The following INPP4A variants were observed in gnomAD, a reference collection of about 807,000 sequenced individuals.
INPP4A encodes the protein inositol polyphosphate-4-phosphatase, type I, 107kD.
In INPP4A, 33 loss-of-function variants were observed where a neutral mutation model predicts 119.8. The ratio of observed to expected loss-of-function variants is 0.28; its 90% CI spans 0.21 to 0.37. The LOEUF (loss-of-function observed/expected upper bound fraction) is 0.37, where lower values mean the gene tolerates loss of function less well. Ranked by LOEUF, INPP4A falls within the 10% of genes least tolerant of loss-of-function variation. The pLI is 1.00. For missense variants in INPP4A, 956 were observed against 1,289.9 expected (o/e 0.74, Z 3.97); for synonymous variants, 496 against 500.7 (o/e 0.99, Z 0.12).
intron 17 of INPP4A, among the ~76,000 whole-genome samples, chr2:98,561,892 C>T (rs764524224): frequency 6.6e-6 from 1 of 152,208 alleles, no homozygotes; most frequent in Non-Finnish European, 1.5e-5. Flanking sequence ...TTAATAGGCA[C>T]TTCATATAAT....
intron 1 of INPP4A, among the ~76,000 whole-genome samples, chr2:98,510,514 G>C (rs1444711022): frequency 6.6e-6 from 1 of 152,212 alleles, no homozygotes; most frequent in African/African-American, 2.4e-5. Flanking sequence ...ATGTTGGGAA[G>C]GCGCTGGCAT....
At chr2:98,539,039 G>GC (rs1237849025) in intron 9 of INPP4A, 58 bp downstream of exon 9, 1 of 998,402 alleles carries the variant, frequency 1.0e-6, no homozygotes, top group Non-Finnish European at 1.5e-6. Context: ...ACTTGGGCCC[G>GC]CAGTCCCCTT....
chr2:98,461,752 C>G (rs1476107255), intron 1 of INPP4A, among the ~76,000 whole-genome samples: 1 of 152,200 alleles, frequency 6.6e-6, no homozygotes, highest in African/African-American at 2.4e-5. Context: ...TTTCCACATC[C>G]CTGGTGCCAT....
At chr2:98,457,576 C>T (rs1422453012) in intron 1 of INPP4A, among the ~76,000 whole-genome samples, 1 of 152,176 alleles carries the variant, frequency 6.6e-6, no homozygotes, top group South Asian at 2.1e-4. Flanking sequence ...CAGCCTGTGA[C>T]GTAGACTGTG....
At chr2:98,469,230 G>A (rs538167671) in intron 1 of INPP4A, among the ~76,000 whole-genome samples, 26 of 152,298 alleles carry the variant, frequency 1.7e-4, no homozygotes, top group African/African-American at 5.5e-4. Flanking sequence ...TGGGCACGGT[G>A]GCTCACGCCT....
intron 4 of INPP4A, among the ~76,000 whole-genome samples, chr2:98,530,753 T>A (rs79613500): frequency 8.7e-4 from 132 of 152,160 alleles, no homozygotes; most frequent in Non-Finnish European, 1.3e-3. Context: ...ACAATAAACA[T>A]AGAAATAGAT....
chr2:98,564,435 G>A (rs1469241343), intron 18 of INPP4A, among the ~76,000 whole-genome samples: 3 of 152,174 alleles, frequency 2.0e-5, no homozygotes, highest in Non-Finnish European at 1.5e-5. Flanking sequence ...CTTGGTGAGC[G>A]ACAGGAATAG....
intron 7 of INPP4A, among the ~76,000 whole-genome samples, chr2:98,536,832 CA>C (rs1690379089): frequency 6.6e-6 from 1 of 152,308 alleles, no homozygotes; most frequent in South Asian, 2.1e-4. Context: ...AGTATTGAGA[CA>C]TTCTGAAGCT....
chr2:98,460,906 A>G (rs1354616382), intron 1 of INPP4A, among the ~76,000 whole-genome samples: 1 of 152,346 alleles, frequency 6.6e-6, no homozygotes, highest in East Asian at 1.9e-4. Context: ...CTGAAACACC[A>G]TGAGGAAGAG....
At chr2:98,492,828 C>T (rs890444720) in intron 1 of INPP4A, among the ~76,000 whole-genome samples, 2 of 152,178 alleles carry the variant, frequency 1.3e-5, no homozygotes, top group Admixed American at 6.5e-5. Context: ...TATGGTTTGC[C>T]AAGTACTGAC....
chr2:98,507,585 G>C (rs567114779), intron 1 of INPP4A, among the ~76,000 whole-genome samples: 7 of 152,244 alleles, frequency 4.6e-5, no homozygotes, highest in Non-Finnish European at 8.8e-5. Context: ...CCCACCCCCA[G>C]CCTGGGGGGC....
intron 1 of INPP4A, among the ~76,000 whole-genome samples, chr2:98,505,024 C>G (rs959700453): frequency 6.6e-6 from 1 of 152,218 alleles, no homozygotes; most frequent in Admixed American, 6.5e-5. Flanking sequence ...ACTCTAGGCT[C>G]TCTGTCTTTT....
chr2:98,473,386 A>T (rs1193789520), intron 1 of INPP4A, among the ~76,000 whole-genome samples: 3 of 145,522 alleles, frequency 2.1e-5, no homozygotes, highest in Non-Finnish European at 4.5e-5. Flanking sequence ...GTGGAGAGTG[A>T]GAAGGGCAGT....
chr2:98,496,855 G>A (rs1349551595), intron 1 of INPP4A, among the ~76,000 whole-genome samples: 1 of 152,176 alleles, frequency 6.6e-6, no homozygotes, highest in Non-Finnish European at 1.5e-5. Context: ...TTATAATCTG[G>A]GGTTGGAGTG....
chr2:98,494,049 TAGC>T, intron 1 of INPP4A, among the ~76,000 whole-genome samples: 1 of 152,368 alleles, frequency 6.6e-6, no homozygotes, highest in East Asian at 1.9e-4. Flanking sequence ...TCAGTAAGAA[TAGC>T]AGATGTCTGT....
At chr2:98,461,595 A>G (rs912628495) in intron 1 of INPP4A, among the ~76,000 whole-genome samples, 1 of 152,210 alleles carries the variant, frequency 6.6e-6, no homozygotes, top group Non-Finnish European at 1.5e-5. Context: ...ATATAGCAGG[A>G]TATGTGGTAA....
At chr2:98,540,157 A>G (rs940878266) in intron 10 of INPP4A, among the ~76,000 whole-genome samples, 8 of 152,078 alleles carry the variant, frequency 5.3e-5, no homozygotes, top group Non-Finnish European at 1.2e-4. Context: ...GTCTCGAACT[A>G]CTGACCTCAG....
rs1003555291 is a variant in INPP4A at position 98,462,586 on chromosome 2, C to G, written c.-166+17501C>G. Among the ~76,000 whole-genome samples, 23 of 151,244 alleles carry G rather than the reference C, an allele frequency of 1.5e-4. 1 individual carries two copies. The highest frequency in any genetic ancestry group is 5.3e-4 in the African/African-American group (22 of 41,238). ...TGTCAACCAGACTGGAGTGTAGTGG[C>G]AGGATCATGGCTCACTGCAGCCTCT... On this transcript the variant is annotated intron_variant, in intron 1 of 24. Transcript: ENST00000409851.
At position 98,546,029 on chromosome 2, in the gene INPP4A, A is replaced by G; in HGVS notation, c.1010A>G (p.Asn337Ser). Residue 337 changes from asparagine (N) to serine (S), a missense_variant, in exon 12 of 25, where the codon AAC becomes AGC. Asn to Ser is a conservative substitution (Grantham distance 46). This residue lies in a region of INPP4A where 652 missense variants were observed against 797.9 expected (regional missense o/e 0.82). Coordinates refer to ENST00000409851, the MANE Select transcript of INPP4A (RefSeq NM_001134225.2). The surrounding 1 kb of genome is among the most constrained non-coding windows in gnomAD (Gnocchi z 4.2). ...ADKKLEFVPT[N>S]LHIQRMRVQD... ...AAAAAGTTAGAATTTGTTCCCACAAACTTGCACATACAAAGGATGAGAGTT... is the reference window on the plus strand; with the variant it reads ...AAAAAGTTAGAATTTGTTCCCACAAGCTTGCACATACAAAGGATGAGAGTT... The G allele has an allele frequency of 6.3e-7, 1 of 1,591,658 alleles. No homozygotes were observed. Among genetic ancestry groups the G allele is most frequent in the Non-Finnish European group, 8.6e-7 (1 of 1,168,392 alleles).
Sources: allele counts gnomAD v4.1 joint callset (sites outside exome capture counted in the v4.1 genomes callset), GRCh38; gene constraint gnomAD v4.1.1; regional missense constraint gnomAD v4.1.1; non-coding constraint Gnocchi (gnomAD v3.1); transcripts MANE v1.5; gene names NCBI Gene and HGNC (gene_info 2026-07-23, HGNC 2026-07-21).